SLC35F3: variants seen among roughly 807,000 people sequenced by gnomAD.
SLC35F3 encodes the protein putative thiamine transporter SLC35F3.
SLC35F3 carries 25 observed loss-of-function variants against 49.9 expected under a neutral mutation model. The observed-to-expected ratio is 0.50, with a 90% confidence interval of 0.37 to 0.70. The LOEUF is 0.70. Ranked by LOEUF, SLC35F3 falls within the 30% of genes least tolerant of loss-of-function variation. The probability of loss-of-function intolerance (pLI) is 0.00; values close to 1 mark genes in which losing one functional copy is unlikely to be tolerated. For missense variants in SLC35F3, 525 were observed against 639.8 expected (o/e 0.82, Z 1.94); for synonymous variants, 275 against 265.4 (o/e 1.04, Z -0.35).
At chr1:234,001,051 TC>T (rs1317262254) in intron 2 of SLC35F3, among the ~76,000 whole-genome samples, 1 of 151,962 alleles carries the variant, frequency 6.6e-6, no homozygotes, top group Non-Finnish European at 1.5e-5. Context: ...GAAAAGAGAG[TC>T]CTGACAGGGC....
intron 2 of SLC35F3, among the ~76,000 whole-genome samples, chr1:234,080,359 A>G (rs1340936466): frequency 6.6e-6 from 1 of 152,174 alleles, no homozygotes; most frequent in Non-Finnish European, 1.5e-5. Context: ...TGAAGTTACC[A>G]TAGGACCCAG....
intron 2 of SLC35F3, among the ~76,000 whole-genome samples, chr1:234,024,979 C>G (rs1464238105): frequency 1.3e-5 from 2 of 152,190 alleles, no homozygotes; most frequent in African/African-American, 4.8e-5. Context: ...CCCACCCTCC[C>G]TCTTCTTGTA....
chr1:234,049,556 G>A (rs1258744027), intron 2 of SLC35F3, among the ~76,000 whole-genome samples: 1 of 152,126 alleles, frequency 6.6e-6, no homozygotes, highest in African/African-American at 2.4e-5. Flanking sequence ...CTGTTGTTTA[G>A]GCCACTCAGT....
At chr1:234,055,671 C>T (rs1469377304) in intron 2 of SLC35F3, among the ~76,000 whole-genome samples, 1 of 152,190 alleles carries the variant, frequency 6.6e-6, no homozygotes, top group African/African-American at 2.4e-5. Context: ...GTCTGACAAG[C>T]CCCAGTGAGA....
At chr1:234,032,133 G>A (rs1041911758) in intron 2 of SLC35F3, among the ~76,000 whole-genome samples, 4 of 151,770 alleles carry the variant, frequency 2.6e-5, no homozygotes, top group African/African-American at 4.8e-5. Context: ...TATTGACTTC[G>A]TACTATAAAA....
intron 2 of SLC35F3, among the ~76,000 whole-genome samples, chr1:234,151,395 A>C (rs1376966098): frequency 3.3e-5 from 5 of 152,142 alleles, no homozygotes; most frequent in African/African-American, 1.2e-4. Flanking sequence ...TCCCAGGCTA[A>C]GTTATTATAA....
intron 2 of SLC35F3, among the ~76,000 whole-genome samples, chr1:234,222,911 A>G (rs540514937): frequency 6.6e-6 from 1 of 152,322 alleles, no homozygotes; most frequent in South Asian, 2.1e-4. Context: ...TGGAGGCATC[A>G]TGTGCCCAGG....
At chr1:234,245,133 T>A (rs1312143416) in intron 3 of SLC35F3, among the ~76,000 whole-genome samples, 1 of 152,200 alleles carries the variant, frequency 6.6e-6, no homozygotes, top group Non-Finnish European at 1.5e-5. Flanking sequence ...ACCACCTACC[T>A]TTCCCAGTCT....
chr1:234,290,591 G>A (rs538906149), intron 3 of SLC35F3, among the ~76,000 whole-genome samples: 17 of 152,314 alleles, frequency 1.1e-4, no homozygotes, highest in Admixed American at 1.0e-3. Context: ...TCATCAACAG[G>A]GAGTTGCTGA....
intron 2 of SLC35F3, among the ~76,000 whole-genome samples, chr1:234,019,314 A>G (rs575553754): frequency 8.9e-4 from 136 of 152,264 alleles, no homozygotes; most frequent in Non-Finnish European, 1.6e-3. Flanking sequence ...TTCTCCAGAA[A>G]ACAGTAACAA....
At chr1:233,951,425 A>C (rs1176261269) in intron 2 of SLC35F3, among the ~76,000 whole-genome samples, 1 of 151,990 alleles carries the variant, frequency 6.6e-6, no homozygotes, top group Non-Finnish European at 1.5e-5. Flanking sequence ...ATTCATGGTA[A>C]GTGCCCTCTA....
chr1:234,098,826 G>A (rs1365507246), intron 2 of SLC35F3, among the ~76,000 whole-genome samples: 1 of 150,964 alleles, frequency 6.6e-6, no homozygotes, highest in East Asian at 2.0e-4. Context: ...GGTCATGATG[G>A]AGGTGGTGAC....
chr1:233,988,085 C>T (rs1663294656), intron 2 of SLC35F3, among the ~76,000 whole-genome samples: 1 of 152,074 alleles, frequency 6.6e-6, no homozygotes, highest in Non-Finnish European at 1.5e-5. Flanking sequence ...ACTGTTCATT[C>T]ATTTTTAAGC....
At chr1:234,118,522 A>G (rs1665526629) in intron 2 of SLC35F3, among the ~76,000 whole-genome samples, 1 of 152,166 alleles carries the variant, frequency 6.6e-6, no homozygotes, top group Non-Finnish European at 1.5e-5. Flanking sequence ...TTGTAGAAGA[A>G]AGAGGAGGAG....
intron 3 of SLC35F3, among the ~76,000 whole-genome samples, chr1:234,294,344 A>G (rs1668558611): frequency 6.6e-6 from 1 of 152,212 alleles, no homozygotes; most frequent in Non-Finnish European, 1.5e-5. Context: ...CCAGCAGAGT[A>G]GGTGGGCAGC....
intron 2 of SLC35F3, among the ~76,000 whole-genome samples, chr1:234,217,909 A>ATT (rs1667147101): frequency 6.6e-6 from 1 of 152,176 alleles, no homozygotes. Flanking sequence ...AGGAGGCCTT[A>ATT]TGAGGCATCA....
intron 3 of SLC35F3, among the ~76,000 whole-genome samples, chr1:234,233,328 G>A (rs1459389528): frequency 1.3e-5 from 2 of 152,226 alleles, no homozygotes; most frequent in African/African-American, 4.8e-5. Context: ...TGCCTCTAAC[G>A]AAATGCTCAA....
At chr1:233,922,020 G>A (rs1047972852) in intron 2 of SLC35F3, among the ~76,000 whole-genome samples, 27 of 152,050 alleles carry the variant, frequency 1.8e-4, no homozygotes, top group African/African-American at 5.3e-4. Context: ...TATGTGCCAC[G>A]TTTTCTTTAT....
intron 2 of SLC35F3, among the ~76,000 whole-genome samples, chr1:233,990,440 T>C (rs1663334658): frequency 6.6e-6 from 1 of 152,058 alleles, no homozygotes. Context: ...CCATTGTTTC[T>C]TTACTTAAAT....
Sources: gnomAD v4.1 joint callset for allele counts (sites outside exome capture counted in the v4.1 genomes callset) on GRCh38, gnomAD v4.1.1 for gene constraint, MANE v1.5 for transcripts, NCBI Gene and HGNC (gene_info 2026-07-23, HGNC 2026-07-21) for gene names.